The following MSLN variants were observed in gnomAD, a reference collection of about 807,000 sequenced individuals.
MSLN encodes CAK1 antigen.
Under a neutral mutation model 72.6 loss-of-function variants are expected in MSLN, and 82 were observed. The ratio of observed to expected loss-of-function variants is 1.13; its 90% CI spans 0.94 to 1.36. MSLN has a LOEUF of 1.36. MSLN is among the 40% of genes most tolerant of loss of function. The probability of loss-of-function intolerance (pLI) is 0.00; values close to 1 mark genes in which losing one functional copy is unlikely to be tolerated. For synonymous variants in MSLN, 456 were observed against 387.3 expected (o/e 1.18, Z -2.08); for missense variants, 1,005 against 847.9 (o/e 1.19, Z -2.30).
At chr16:764,835 C>G in intron 7 of MSLN, 72 bp from the exon 8 acceptor site, 1 of 1,588,658 alleles carries the variant, frequency 6.3e-7, no homozygotes, top group Non-Finnish European at 8.6e-7. Context: ...ATGTGGAGGC[C>G]GGCCGGGCTG....
rs776412689 is a variant in MSLN, at chr16:765,141, A to G, written c.542A>G (p.Asp181Gly). The change falls in exon 9 of 18, where the codon GAT becomes GGT. Residue 181 changes from aspartate (D) to glycine (G), a missense_variant. Coordinates refer to ENST00000545450, the MANE Select transcript of MSLN (RefSeq NM_005823.6). ...GVRGSLLSEA[D>G]VRALGGLACD... ...CGGGGGTCTCTGCTGAGCGAGGCTG[A>G]TGTGCGGGCTCTGGGAGGCCTGGCT... 1.2e-6 allele frequency: 2 copies of G among 1,604,016 alleles called. No homozygotes were observed. The highest frequency in any genetic ancestry group is 1.7e-6 in the Non-Finnish European group (2 of 1,178,752).
Position 763,680 on chromosome 16 carries a change from T to C in MSLN, c.168T>C (p.Pro56=), listed in dbSNP as rs769842031. The change falls in exon 5 of 18, where the codon CCT becomes CCC. Residue 56 remains proline (P), a synonymous_variant. Coordinates refer to ENST00000545450, the MANE Select transcript of MSLN (RefSeq NM_005823.6). ...APLDGVLANP[P]NISSLSPRQL... ...TGGACGGAGTCCTGGCCAACCCACC[T>C]AACATTTCCAGGTGGGTCTGGGGTC... 2 of 1,448,948 alleles carry C rather than the reference T, an allele frequency of 1.4e-6. No individual in the cohort carries two copies. Among genetic ancestry groups the C allele is most frequent in the Non-Finnish European group, 9.1e-7 (1 of 1,096,558 alleles). The allele number at this position is 1,448,948 out of a possible 1,614,324, so 89.8% of individuals were successfully genotyped here.
In MSLN at chr16:764,052, C is replaced by A; in HGVS notation, c.209C>A (p.Pro70Gln). The A allele has an allele frequency of 6.2e-7, 1 of 1,604,400 alleles. No homozygotes were observed. The highest frequency in any genetic ancestry group is 8.5e-7 in the Non-Finnish European group (1 of 1,179,726). Reference sequence around the variant, plus strand: ...TCCCCTCGCCAACTCCTTGGCTTCCCGTGTGCGGAGGTGTCCGGCCTGAGC... The same window carrying A: ...TCCCCTCGCCAACTCCTTGGCTTCCAGTGTGCGGAGGTGTCCGGCCTGAGC... ...SLSPRQLLGF[P>Q]CAEVSGLSTE... The change falls in exon 6 of 18, where the codon CCG becomes CAG. Residue 70 changes from proline to glutamine, a missense_variant. Physicochemically the swap from Pro to Gln is moderately conservative, Grantham distance 76. Coordinates refer to ENST00000545450, the MANE Select transcript of MSLN (RefSeq NM_005823.6).
Position 768,489 on chromosome 16 carries a change from C to G in MSLN, c.1707C>G (p.Asp569Glu). Residue 569 changes from aspartate to glutamate, a missense_variant, in exon 17 of 18, where the codon GAC (aspartate) becomes GAG (glutamate). Coordinates refer to ENST00000545450, the MANE Select transcript of MSLN (RefSeq NM_005823.6). ...VRDWILRQRQ[D>E]DLDTLGLGLQ... ...ACTGGATCCTACGGCAGCGGCAGGA[C>G]GACCTGGACACGCTGGGGCTGGGGC... 1.3e-6 allele frequency: 2 copies of G among 1,577,440 alleles called. No individual in the cohort carries two copies. The highest frequency in any genetic ancestry group is 1.3e-5 in the African/African-American group (1 of 74,280).
chr16:766,359 T>G lies in MSLN; in HGVS notation c.1099T>G (p.Ser367Ala). 3 of 1,612,600 alleles carry G rather than the reference T, an allele frequency of 1.9e-6. No individual in the cohort carries two copies. The highest frequency in any genetic ancestry group is 2.5e-6 in the Non-Finnish European group (3 of 1,179,884). Residue 367 changes from serine (S) to alanine (A), a missense_variant, in exon 13 of 18, where the codon TCT becomes GCT. By Grantham distance (99) the Ser-to-Ala change is moderately conservative (BLOSUM62 1). Coordinates refer to ENST00000545450, the MANE Select transcript of MSLN (RefSeq NM_005823.6). ...DELYPQGYPE[S>A]VIQHLGYLFL... Reference sequence around the variant, plus strand: ...GCTCTACCCACAAGGTTACCCCGAGTCTGTGATCCAGCACCTGGGCTACCT... The same window carrying G: ...GCTCTACCCACAAGGTTACCCCGAGGCTGTGATCCAGCACCTGGGCTACCT...
chr16:764,960 C>G lies in MSLN; in HGVS notation c.434C>G (p.Thr145Arg). ...QACTRFFSRITKANVDLLPRG... is the reference protein window; with the variant it reads ...QACTRFFSRIRKANVDLLPRG... ...TGCACCCGTTTCTTCTCCCGCATCA[C>G]GAAGGCCAATGTGGACCTGCTCCCG... Residue 145 changes from threonine to arginine, a missense_variant, in exon 8 of 18, where the codon ACG (threonine) becomes AGG (arginine). Coordinates refer to ENST00000545450, the MANE Select transcript of MSLN (RefSeq NM_005823.6). 1 of 1,612,478 alleles carries G rather than the reference C, an allele frequency of 6.2e-7. No individual in the cohort carries two copies. Among genetic ancestry groups the G allele is most frequent in the South Asian group, 1.1e-5 (1 of 91,060 alleles).
chr16:764,058 C>G lies in MSLN; in HGVS notation c.215C>G (p.Ala72Gly). The change falls in exon 6 of 18, where the codon GCG (alanine) becomes GGG (glycine). Residue 72 changes from alanine to glycine, a missense_variant. Physicochemically the swap from Ala to Gly is moderately conservative, Grantham distance 60. Coordinates refer to ENST00000545450, the MANE Select transcript of MSLN (RefSeq NM_005823.6). ...CGCCAACTCCTTGGCTTCCCGTGTG[C>G]GGAGGTGTCCGGCCTGAGCACGGAG... ...SPRQLLGFPC[A>G]EVSGLSTERV... 1 of 1,604,816 alleles carries G rather than the reference C, an allele frequency of 6.2e-7. No homozygotes were observed. Among genetic ancestry groups the G allele is most frequent in the Non-Finnish European group, 8.5e-7 (1 of 1,179,732 alleles).
chr16:764,736 GC>G lies in MSLN; in HGVS notation c.380+15del. On this transcript the variant is annotated intron_variant, in intron 7 of 17. Transcript: ENST00000545450. ...TGCTGCTATTCCTCAAGTAGGCCCT[GC>G]CCCCTGAACCCACCCCCCCGGCTTT... is the stretch of plus-strand genomic sequence containing the variant. The G allele has an allele frequency of 6.2e-7, 1 of 1,604,126 alleles. No individual in the cohort carries two copies. Among genetic ancestry groups the G allele is most frequent in the South Asian group, 1.1e-5 (1 of 90,776 alleles).
chr16:768,747 T>TTGCTGGCCCCAGCCC lies in MSLN; in HGVS notation c.*21_*35dup, dbSNP rs1169268418. On this transcript the variant is annotated 3_prime_UTR_variant, in exon 18 of 18. Coordinates refer to ENST00000545450, the MANE Select transcript of MSLN (RefSeq NM_005823.6). ...ACCCTGGCCTGAGGGCCCCACTCCC[T>TTGCTGGCCCCAGCCC]TGCTGGCCCCAGCCCTGCTGGGGAT... The TTGCTGGCCCCAGCCC allele has an allele frequency of 6.2e-7, 1 of 1,609,076 alleles. No homozygotes were observed. The highest frequency in any genetic ancestry group is 8.5e-7 in the Non-Finnish European group (1 of 1,178,904).
rs1159182974 is a variant in MSLN, at chr16:765,542, G to A, written c.720G>A (p.Trp240Ter). The change falls in exon 10 of 18, where the codon TGG (tryptophan) becomes TGA (stop). Residue 240 changes from tryptophan (W) to a stop codon, truncating the protein, a stop_gained. Coordinates refer to ENST00000545450, the MANE Select transcript of MSLN (RefSeq NM_005823.6). LOFTEE classifies it high-confidence loss of function. Reference sequence around the variant, plus strand: ...GTCTGCACAGCCCCCCGTCGACATGGTCTGTCTCCACGATGGACGCTCTGC... The same window carrying A: ...GTCTGCACAGCCCCCCGTCGACATGATCTGTCTCCACGATGGACGCTCTGC... The part of the protein sequence containing the change: ...GGPPYGPPST[W>*]SVSTMDALRG... 1 of 1,606,678 alleles carries A rather than the reference G, an allele frequency of 6.2e-7. No homozygotes were observed. The highest frequency in any genetic ancestry group is 2.2e-5 in the East Asian group (1 of 44,858).
At position 765,802 on chromosome 16, in the gene MSLN, G is replaced by A. The variant is rs1453686027; in HGVS notation, c.895+12G>A. The A allele has an allele frequency of 1.3e-6, 2 of 1,595,262 alleles. No individual in the cohort carries two copies. The highest frequency in any genetic ancestry group is 1.7e-5 in the Admixed American group (1 of 59,700). ...GCGGGAAGTGGAGAGTGAGTGCCGTGCCCTGCGCAGTCTGGCACCAGGCTG... is the reference window on the plus strand; with the variant it reads ...GCGGGAAGTGGAGAGTGAGTGCCGTACCCTGCGCAGTCTGGCACCAGGCTG... On this transcript the variant is annotated intron_variant, in intron 11 of 17. Coordinates refer to ENST00000545450, the MANE Select transcript of MSLN (RefSeq NM_005823.6).
At position 761,106 on chromosome 16, in the gene MSLN, C is replaced by G. The variant is rs1325456970; in HGVS notation, c.-78C>G. On this transcript the variant is annotated 5_prime_UTR_variant, in exon 2 of 18. Transcript: ENST00000545450. ...ACTCCTCTTTCTGCCTGGCCGGCCA[C>G]TCCCGTCTGCTGTGACGCGCGGACA... 1.3e-5 allele frequency: 2 copies of G among 152,424 alleles called. No individual in the cohort carries two copies. The highest frequency in any genetic ancestry group is 3.8e-4 in the East Asian group (2 of 5,200). The allele number at this position is 152,424 out of a possible 1,614,324, so 9.4% of individuals were successfully genotyped here. A position where few individuals can be genotyped will look rare whatever the true frequency, so the allele number is the denominator to read the frequency against.
At position 768,679 on chromosome 16, in the gene MSLN, A is replaced by ACCTGGACCTGTTCTCACCGT; in HGVS notation, c.1821_1840dup (p.Ala614AspfsTer11). On this transcript the variant is annotated frameshift_variant, in exon 18 of 18. Transcript: ENST00000545450. LOFTEE classifies it low-confidence loss of function (END_TRUNC). ...TCTCGGGGACGCCCTGCCTCCTAGG[A>ACCTGGACCTGTTCTCACCGT]CCTGGACCTGTTCTCACCGTCCTGG... is the stretch of plus-strand genomic sequence containing the variant. 6.2e-7 allele frequency: 1 copy of ACCTGGACCTGTTCTCACCGT among 1,610,820 alleles called. No individual in the cohort carries two copies. Among genetic ancestry groups the ACCTGGACCTGTTCTCACCGT allele is most frequent in the Non-Finnish European group, 8.5e-7 (1 of 1,179,472 alleles).
chr16:767,001 A>C lies in MSLN; in HGVS notation c.1490A>C (p.Gln497Pro), dbSNP rs2041623896. Reference protein sequence around the residue: ...MNGSEYFVKIQSFLGGAPTED... With the variant: ...MNGSEYFVKIPSFLGGAPTED... The stretch of plus-strand genomic sequence containing the variant: ...GGGTCCGAATACTTCGTGAAGATCC[A>C]GTCCTTCCTGGGTGAGCCAGGGAGT... The change falls in exon 15 of 18, where the codon CAG (glutamine) becomes CCG (proline). Residue 497 changes from glutamine (Q) to proline (P), a missense_variant. Gln to Pro is a moderately conservative substitution (Grantham distance 76). Coordinates refer to ENST00000545450, the MANE Select transcript of MSLN (RefSeq NM_005823.6). The C allele has an allele frequency of 1.2e-6, 2 of 1,612,640 alleles. No homozygotes were observed. The highest frequency in any genetic ancestry group is 4.5e-5 in the East Asian group (2 of 44,864).
chr16:768,336 G>A, intron 16 of MSLN, 43 bp from the exon 17 acceptor site: 2 of 1,492,938 alleles, frequency 1.3e-6, no homozygotes, highest in South Asian at 2.8e-5. Context: ...GCGGCGCTGA[G>A]GGAAGGAGAC....
chr16:761,667 C>T (rs2041538667), intron 2 of MSLN, among the ~76,000 whole-genome samples: 1 of 152,166 alleles, frequency 6.6e-6, no homozygotes, highest in Non-Finnish European at 1.5e-5. Flanking sequence ...TCAAGGTGTT[C>T]AGAGCCTCAG....
At chr16:760,972 G>C (rs142517048) in intron 1 of MSLN, 101 bp from the exon 2 acceptor site, 1,525 of 152,422 alleles carry the variant, frequency 0.01, 18 homozygotes, top group Admixed American at 0.018. Context: ...CAGAGGCCTG[G>C]GGGCTGGGCT....
intron 15 of MSLN, 149 bp from the exon 16 acceptor site, chr16:767,226 TG>T: frequency 9.2e-7 from 1 of 1,084,480 alleles, no homozygotes; most frequent in Non-Finnish European, 1.4e-6. Flanking sequence ...CTCCCACGCC[TG>T]GGGGTCAGGC....
At chr16:763,401 C>T in intron 4 of MSLN, 125 bp downstream of exon 4, 3 of 922,786 alleles carry the variant, frequency 3.3e-6, no homozygotes, top group South Asian at 3.1e-5. Flanking sequence ...TGCAAAGGGG[C>T]ACCTGGACCT....
Sources: gnomAD v4.1 joint callset for allele counts (sites outside exome capture counted in the v4.1 genomes callset) on GRCh38, gnomAD v4.1.1 for gene constraint, MANE v1.5 for transcripts, NCBI Gene and HGNC (gene_info 2026-07-23, HGNC 2026-07-21) for gene names.